The following TMBIM4 variants were observed in gnomAD, a reference collection of about 807,000 sequenced individuals.
TMBIM4 encodes the protein protein lifeguard 4.
TMBIM4 carries 28 observed loss-of-function variants against 27.7 expected under a neutral mutation model. The ratio of observed to expected loss-of-function variants is 1.01; its 90% confidence interval spans 0.75 to 1.38. TMBIM4 has a LOEUF of 1.38. TMBIM4 is among the 40% of genes most tolerant of loss of function. The pLI is 0.00. For synonymous variants in TMBIM4, 115 were observed against 113.1 expected, an observed-to-expected ratio of 1.02 and a Z score of -0.11; for missense variants, 265 against 277.5, an observed-to-expected ratio of 0.95 and a Z score of 0.32.
At chr12:66,144,000 C>T (rs1319141981) in intron 5 of TMBIM4, among the ~76,000 whole-genome samples, 1 of 152,130 alleles carries the variant, frequency 6.6e-6, no homozygotes, top group Admixed American at 6.5e-5. Context: ...TGGCAATATC[C>T]AGTAACTAAT....
At position 66,145,929 on chromosome 12, in the gene TMBIM4, G is replaced by A. The variant is rs1469953650; in HGVS notation, c.376C>T (p.Gln126Ter). The change falls in exon 5 of 7, where the codon CAA (glutamine) becomes TAA (stop). Residue 126 changes from glutamine to a stop codon, truncating the protein, a stop_gained. Transcript: ENST00000358230. LOFTEE classifies it high-confidence loss of function. ...VTFYDVYIILQAFILTTTVFF... is the reference protein window; with the variant it reads ...VTFYDVYIIL ...ACTGTAGTAGTCAGTATGAAAGCTT[G>A]CAGAATAATATATACATCATAGAAA... The A allele has an allele frequency of 1.3e-6, 2 of 1,586,672 alleles. No homozygotes were observed. Among genetic ancestry groups the A allele is most frequent in the Admixed American group, 3.4e-5 (2 of 59,278 alleles).
chr12:66,150,697 G>A (rs575814104), intron 3 of TMBIM4, among the ~76,000 whole-genome samples: 216 of 152,314 alleles, frequency 1.4e-3, no homozygotes, highest in African/African-American at 4.7e-3. Flanking sequence ...ACACAGGCGT[G>A]AGCCACCACG....
At chr12:66,162,695 C>T (rs1437503894) in intron 1 of TMBIM4, among the ~76,000 whole-genome samples, 2 of 152,178 alleles carry the variant, frequency 1.3e-5, no homozygotes, top group African/African-American at 4.8e-5. Flanking sequence ...CTAATAAAAT[C>T]CCCAACCTTC....
intron 1 of TMBIM4, among the ~76,000 whole-genome samples, chr12:66,163,957 G>A (rs2052084377): frequency 6.6e-6 from 1 of 152,116 alleles, no homozygotes; most frequent in Non-Finnish European, 1.5e-5. Flanking sequence ...GAATTCAACA[G>A]CACATTAAAA....
chr12:66,138,963 G>T, intron 5 of TMBIM4, 194 bp from the exon 6 acceptor site: 3 of 752,232 alleles, frequency 4.0e-6, no homozygotes, highest in Non-Finnish European at 5.6e-6. Flanking sequence ...TGAAAGAACA[G>T]CTATTTATTC....
chr12:66,153,433 A>T lies in TMBIM4; in HGVS notation c.113T>A (p.Val38Asp). The change falls in exon 2 of 7, where the codon GTC (valine) becomes GAC (aspartate). Residue 38 changes from valine to aspartate, a missense_variant. By Grantham distance (152) the Val-to-Asp change is radical. Coordinates refer to ENST00000358230, the MANE Select transcript of TMBIM4 (RefSeq NM_016056.4). ...AACCTGCAGAGAAAGAATGCTGTAG[A>T]CTTTTCTCAGAAAGGCTAAAAGAGA... ...VHIRMAFLRK[V>D]YSILSLQVLL... The T allele has an allele frequency of 6.3e-7, 1 of 1,582,366 alleles. No homozygotes were observed. Among genetic ancestry groups the T allele is most frequent in the South Asian group, 1.2e-5 (1 of 85,318 alleles).
chr12:66,140,804 G>A (rs976806934), intron 5 of TMBIM4, among the ~76,000 whole-genome samples: 13 of 152,028 alleles, frequency 8.6e-5, no homozygotes, highest in African/African-American at 3.1e-4. Flanking sequence ...AAAGTGGAGG[G>A]GGAGGGAACC....
rs1331545214 is a variant in TMBIM4, at chr12:66,137,972, A to G, written c.705T>C (p.Val235=). The part of the protein sequence containing the change: ...FLHLLRFLEA[V]NKK The stretch of plus-strand genomic sequence containing the variant: ...GAGATACTTTTAATTACTTTTTATT[A>G]ACTGCTTCCAGAAACCGTAACAGGT... The change falls in exon 7 of 7, where the codon GTT becomes GTC. Residue 235 remains valine, a synonymous_variant. Transcript: ENST00000358230. 9 of 1,612,746 alleles carry G rather than the reference A, an allele frequency of 5.6e-6. No homozygotes were observed. Among genetic ancestry groups the G allele is most frequent in the Non-Finnish European group, 6.8e-6 (8 of 1,179,726 alleles).
chr12:66,157,995 G>A (rs1341842567), intron 1 of TMBIM4, among the ~76,000 whole-genome samples: 2 of 152,060 alleles, frequency 1.3e-5, no homozygotes, highest in East Asian at 1.9e-4. Flanking sequence ...GGGAGGCCAA[G>A]GTGGGCACAT....
intron 1 of TMBIM4, chr12:66,169,283 G>A (rs2052190000): frequency 5.7e-6 from 4 of 699,158 alleles, no homozygotes; most frequent in Non-Finnish European, 1.0e-5. Flanking sequence ...ACACAATTTA[G>A]ACTGACTTAG....
chr12:66,150,863 G>C (rs12581836), intron 3 of TMBIM4, among the ~76,000 whole-genome samples: 10,827 of 152,262 alleles, frequency 0.071, 1,005 homozygotes, highest in East Asian at 0.51. Flanking sequence ...AACTGAGGTA[G>C]AGAAGAGATG....
intron 1 of TMBIM4, among the ~76,000 whole-genome samples, chr12:66,156,494 T>A (rs2051938508): frequency 6.6e-6 from 1 of 150,740 alleles, no homozygotes; most frequent in Non-Finnish European, 1.5e-5. Flanking sequence ...ATCTCTCACC[T>A]GGACCACTGG....
At position 66,169,985 on chromosome 12, in the gene TMBIM4, C is replaced by G; in HGVS notation, c.-34G>C. The G allele has an allele frequency of 7.0e-7, 1 of 1,422,280 alleles. No individual in the cohort carries two copies. Among genetic ancestry groups the G allele is most frequent in the Non-Finnish European group, 9.3e-7 (1 of 1,069,902 alleles). 88.1% of individuals were successfully genotyped at this position (1,422,280 alleles called of 1,614,324 possible). ...CAGCACCCCTACCGGTCCCGGTCCACTAACCGCAACCGCCTCCTCCCCACT... is the reference window on the plus strand; with the variant it reads ...CAGCACCCCTACCGGTCCCGGTCCAGTAACCGCAACCGCCTCCTCCCCACT... On this transcript the variant is annotated 5_prime_UTR_variant, in exon 1 of 7. Transcript: ENST00000358230.
In TMBIM4 at chr12:66,153,611, C is replaced by G. The variant is rs182438867; in HGVS notation, c.98-163G>C. On this transcript the variant is annotated intron_variant, in intron 1 of 6. Transcript: ENST00000358230. ...AAAACTAGACAAGAATACAAAGCTT[C>G]CAAAATAATTTAAAAATTGTAAGAG... Among the ~76,000 whole-genome samples the G allele has an allele frequency of 9.8e-3, 1,487 of 152,074 alleles. 16 individuals are homozygous for G. Among genetic ancestry groups the G allele is most frequent in the Non-Finnish European group, 0.016 (1,115 of 67,926 alleles).
At chr12:66,161,303 C>A (rs574687226) in intron 1 of TMBIM4, 1 of 152,490 alleles carries the variant, frequency 6.6e-6, no homozygotes, top group East Asian at 1.9e-4. Context: ...TGCAGTGGCG[C>A]GATCTCGGCT....
At position 66,136,625 on chromosome 12, in the gene TMBIM4, TAAG is replaced by T. The variant is rs775719943; in HGVS notation, c.*1332_*1334del. On this transcript the variant is annotated 3_prime_UTR_variant, in exon 7 of 7. Transcript: ENST00000358230. Reference sequence around the variant, plus strand: ...TAATCCAGTATGACTGGTGTCCTCATAAGAAGAAGAAATTTGGGCACAGACAAG... The same window carrying T: ...TAATCCAGTATGACTGGTGTCCTCATAAGAAGAAATTTGGGCACAGACAAG... 3.3e-5 allele frequency: 5 copies of T among 150,460 alleles called. No homozygotes were observed. The highest frequency in any genetic ancestry group is 7.4e-5 in the Non-Finnish European group (5 of 67,606). 9.3% of individuals were successfully genotyped at this position (150,460 alleles called of 1,614,324 possible). A position where few individuals can be genotyped will look rare whatever the true frequency, so the allele number is the denominator to read the frequency against.
intron 3 of TMBIM4, among the ~76,000 whole-genome samples, chr12:66,151,233 ATTC>A (rs1043599554): frequency 6.6e-6 from 1 of 152,108 alleles, no homozygotes; most frequent in Non-Finnish European, 1.5e-5. Flanking sequence ...GACTACAAGT[ATTC>A]TTTTTTTGTT....
chr12:66,158,290 G>A (rs760803118), intron 1 of TMBIM4, among the ~76,000 whole-genome samples: 6 of 147,912 alleles, frequency 4.1e-5, no homozygotes, highest in Non-Finnish European at 6.0e-5. Flanking sequence ...AATACATAAA[G>A]AGTATAATTG....
chr12:66,138,188 AAT>A, intron 6 of TMBIM4, 22 bp from the exon 7 acceptor site: 3 of 1,599,326 alleles, frequency 1.9e-6, no homozygotes, highest in Non-Finnish European at 2.6e-6. Flanking sequence ...AGATTAAAGA[AAT>A]ATGTTTATAT....
Sources: gnomAD v4.1 joint callset for allele counts (sites outside exome capture counted in the v4.1 genomes callset) on GRCh38, gnomAD v4.1.1 for gene constraint, MANE v1.5 for transcripts, NCBI Gene and HGNC (gene_info 2026-07-23, HGNC 2026-07-21) for gene names.